The following ZBTB34 variants were observed in gnomAD, a reference collection of about 807,000 sequenced individuals.
ZBTB34 encodes zinc finger and BTB domain-containing protein 34.
A neutral mutation model predicts 33.4 loss-of-function variants in ZBTB34; 1 was observed. The ratio of observed to expected loss-of-function variants is 0.03; its 90% CI spans 0.01 to 0.14. ZBTB34 has a LOEUF of 0.14. ZBTB34 is among the 10% of genes least tolerant of loss of function. The pLI, the probability that ZBTB34 is intolerant of heterozygous loss-of-function variation, is 1.00. For missense variants in ZBTB34, 406 were observed against 657.2 expected (o/e 0.62, Z 4.18); for synonymous variants, 283 against 253.5 (o/e 1.12, Z -1.11).
In ZBTB34 at chr9:126,879,893, T is replaced by TGG. The variant is rs1436379913; in HGVS notation, c.495_496dup (p.Glu166GlyfsTer55). On this transcript the variant is annotated frameshift_variant, in exon 2 of 2. Transcript: ENST00000319119. LOFTEE classifies it high-confidence loss of function. This position sits in a 1 kb window ranked among gnomAD's most constrained non-coding sequence, Gnocchi z 6.4. Reference sequence around the variant, plus strand: ...GACAGCAGCTTCTTTGCCAACCCAGTGGAGATCTCTCCTCCATATTGCTCT... The same window carrying TGG: ...GACAGCAGCTTCTTTGCCAACCCAGTGGGGAGATCTCTCCTCCATATTGCTCT... 1 of 1,612,910 alleles carries TGG rather than the reference T, an allele frequency of 6.2e-7. No individual in the cohort carries two copies. The highest frequency in any genetic ancestry group is 1.3e-5 in the African/African-American group (1 of 74,984).
chr9:126,874,718 A>G (rs553907070), intron 1 of ZBTB34, among the ~76,000 whole-genome samples: 1 of 152,218 alleles, frequency 6.6e-6, no homozygotes, highest in South Asian at 2.1e-4. Flanking sequence ...CACTTCCAGC[A>G]CGTCCTTCCT....
chr9:126,868,179 G>A (rs2033233020), intron 1 of ZBTB34, among the ~76,000 whole-genome samples: 1 of 152,076 alleles, frequency 6.6e-6, no homozygotes, highest in Non-Finnish European at 1.5e-5. Context: ...CTGGATTGGG[G>A]GGTGTCTCTC....
At chr9:126,881,347 G>C (rs2033438529) in exon 2 of ZBTB34, 1 of 164,532 alleles carries the variant, frequency 6.1e-6, no homozygotes, top group Non-Finnish European at 1.5e-5. Flanking sequence ...TCCTTTTAGG[G>C]GGTAGTTAGA....
chr9:126,884,748 G>A (rs973208990), exon 2 of ZBTB34: 5 of 167,000 alleles, frequency 3.0e-5, no homozygotes, highest in Non-Finnish European at 7.3e-5. Flanking sequence ...GGGCTGGGGG[G>A]AAAATCATCT....
At chr9:126,878,325 C>G (rs1032860810) in intron 1 of ZBTB34, among the ~76,000 whole-genome samples, 2 of 152,034 alleles carry the variant, frequency 1.3e-5, no homozygotes, top group Non-Finnish European at 2.9e-5. Context: ...CAAAAATTAA[C>G]TGGGCATGGT....
chr9:126,871,395 G>T (rs1472096915), intron 1 of ZBTB34, among the ~76,000 whole-genome samples: 2 of 144,734 alleles, frequency 1.4e-5, no homozygotes, highest in Non-Finnish European at 3.0e-5. Context: ...ATGGAGTCTC[G>T]CTCTGTCGCC....
At chr9:126,885,115 A>C (rs952518464) in exon 2 of ZBTB34, 7 of 167,092 alleles carry the variant, frequency 4.2e-5, no homozygotes, top group Non-Finnish European at 7.3e-5. Context: ...ACATTGTTCC[A>C]AATTTGTAAT....
intron 1 of ZBTB34, among the ~76,000 whole-genome samples, chr9:126,861,923 G>A (rs1037268137): frequency 2.0e-5 from 3 of 152,186 alleles, no homozygotes; most frequent in African/African-American, 7.2e-5. Flanking sequence ...AAATAGTTGA[G>A]TGCTTGCTTG....
intron 1 of ZBTB34, among the ~76,000 whole-genome samples, chr9:126,878,726 G>GT (rs1316065576): frequency 0.037 from 4,885 of 133,668 alleles, 97 homozygotes; most frequent in Non-Finnish European, 0.048. Context: ...TTTTTGTTTT[G>GT]TTTTTTTTTT....
At chr9:126,861,324 T>G (rs2033141403) in intron 1 of ZBTB34, among the ~76,000 whole-genome samples, 1 of 152,096 alleles carries the variant, frequency 6.6e-6, no homozygotes, top group African/African-American at 2.4e-5. Context: ...TGCGGAGGGC[T>G]GGGCTGGGGC....
intron 1 of ZBTB34, among the ~76,000 whole-genome samples, chr9:126,876,012 G>A (rs1051754093): frequency 1.3e-5 from 2 of 151,788 alleles, no homozygotes; most frequent in African/African-American, 4.8e-5. Context: ...ATTCTTGTCC[G>A]CAGGACTTTT....
At position 126,867,817 on chromosome 9, in the gene ZBTB34, G is replaced by A. The variant is rs74741149; in HGVS notation, c.-11+7078G>A. Among the ~76,000 whole-genome samples the A allele has an allele frequency of 6.5e-3, 979 of 150,872 alleles. 39 individuals are homozygous for A. The East Asian group carries it at 0.1, about 16-fold the overall frequency. On this transcript the variant is annotated intron_variant, in intron 1 of 1. Coordinates refer to ENST00000319119, the Ensembl canonical transcript of ZBTB34. ...TTTAAAATACTGGCATAGGAATAGAGTGGCATTAAATGGAAAGTAATAAGA... is the reference window on the plus strand; with the variant it reads ...TTTAAAATACTGGCATAGGAATAGAATGGCATTAAATGGAAAGTAATAAGA...
intron 1 of ZBTB34, among the ~76,000 whole-genome samples, chr9:126,875,718 T>C (rs1750172891): frequency 6.7e-6 from 1 of 148,336 alleles, no homozygotes; most frequent in Non-Finnish European, 1.5e-5. Flanking sequence ...GGGTTTTCTC[T>C]AAATAATTTG....
intron 1 of ZBTB34, among the ~76,000 whole-genome samples, chr9:126,868,637 G>C (rs1588385938): frequency 6.6e-6 from 1 of 152,294 alleles, no homozygotes; most frequent in African/African-American, 2.4e-5. Flanking sequence ...TTTCAGACTT[G>C]GCTTCGTCAC....
rs376311384 is a variant in ZBTB34, at chr9:126,879,741, G to A, written c.342G>A (p.Gln114=). 5.5e-5 allele frequency: 88 copies of A among 1,613,408 alleles called. No individual in the cohort carries two copies. Among genetic ancestry groups the A allele is most frequent in the Non-Finnish European group, 7.5e-5 (88 of 1,179,906 alleles). The stretch of plus-strand genomic sequence containing the variant: ...TTCTGACTGCAGCCAGCTTTCTTCA[G>A]ATGCAGTGTGTCATTGACAAGTGCA... Residue 114 remains glutamine (Q), a synonymous_variant, in exon 2 of 2, where the codon CAG becomes CAA. Transcript: ENST00000319119. The surrounding 1 kb of genome is among the most constrained non-coding windows in gnomAD (Gnocchi z 6.4).
intron 1 of ZBTB34, among the ~76,000 whole-genome samples, chr9:126,878,606 AC>A (rs2033393374): frequency 6.6e-6 from 1 of 152,134 alleles, no homozygotes; most frequent in Non-Finnish European, 1.5e-5. Context: ...AGACAATAAT[AC>A]TGAAAAGGGT....
At chr9:126,884,271 A>C (rs1254061365) in exon 2 of ZBTB34, 1 of 167,028 alleles carries the variant, frequency 6.0e-6, no homozygotes, top group Non-Finnish European at 1.5e-5. Context: ...TTATACTTTT[A>C]CTAATGTTTG....
chr9:126,861,036 G>C (rs1588381583), intron 1 of ZBTB34, among the ~76,000 whole-genome samples: 1 of 152,098 alleles, frequency 6.6e-6, no homozygotes, highest in East Asian at 1.9e-4. Context: ...GGTCGCGCTC[G>C]GGCAGCTGCC....
In ZBTB34 at chr9:126,878,212, G is replaced by A. The variant is rs115427989; in HGVS notation, c.-10-1178G>A. Among the ~76,000 whole-genome samples the A allele has an allele frequency of 6.6e-3, 1,000 of 151,530 alleles. 14 individuals are homozygous for A. The highest frequency in any genetic ancestry group is 0.023 in the African/African-American group (954 of 41,290). On this transcript the variant is annotated intron_variant, in intron 1 of 1. Transcript: ENST00000319119. ...TAGGCCGGTGTGGTGACTCTTGCCT[G>A]TAATCCCAGGACTTTGGGAGGCCGA... is the stretch of plus-strand genomic sequence containing the variant.
Sources: gnomAD v4.1 joint callset for allele counts (sites outside exome capture counted in the v4.1 genomes callset) on GRCh38, gnomAD v4.1.1 for gene constraint, Gnocchi (gnomAD v3.1) non-coding constraint, MANE v1.5 for transcripts, NCBI Gene and HGNC (gene_info 2026-07-23, HGNC 2026-07-21) for gene names.